KIF2A: variants seen among roughly 807,000 people sequenced by gnomAD.
KIF2A encodes kinesin-like protein KIF2A.
In KIF2A, 22 loss-of-function variants were observed where a neutral mutation model predicts 100.2. That is an observed-to-expected ratio of 0.22 (90% CI 0.16 to 0.31). KIF2A has a LOEUF of 0.31. KIF2A is among the 10% of genes least tolerant of loss of function. KIF2A has a pLI of 1.00. For missense variants in KIF2A, 495 were observed against 898.7 expected, an observed-to-expected ratio of 0.55 and a Z score of 5.74; for synonymous variants, 268 against 285.9, an observed-to-expected ratio of 0.94 and a Z score of 0.63.
At chr5:62,351,106 C>A (rs1747832008) in intron 4 of KIF2A, among the ~76,000 whole-genome samples, 1 of 151,804 alleles carries the variant, frequency 6.6e-6, no homozygotes, top group African/African-American at 2.4e-5. Context: ...GTGACACATA[C>A]CTGTAGTCTC....
chr5:62,354,936 T>C (rs1484934961), intron 6 of KIF2A, among the ~76,000 whole-genome samples: 2 of 152,160 alleles, frequency 1.3e-5, no homozygotes, highest in African/African-American at 4.8e-5. Flanking sequence ...ACAGAATGCA[T>C]ACCGACTAAG....
At chr5:62,381,029 A>T in intron 19 of KIF2A, 89 bp from the exon 20 acceptor site, 1 of 927,838 alleles carries the variant, frequency 1.1e-6, no homozygotes, top group Non-Finnish European at 1.7e-6. Flanking sequence ...ATACTATCTT[A>T]AGTATGTTTG....
intron 1 of KIF2A, among the ~76,000 whole-genome samples, chr5:62,331,952 A>T (rs145935869): frequency 2.5e-4 from 38 of 152,302 alleles, no homozygotes; most frequent in Non-Finnish European, 3.7e-4. Flanking sequence ...ACTTTTAAAT[A>T]CTTGTAATGA....
intron 1 of KIF2A, among the ~76,000 whole-genome samples, chr5:62,336,043 T>C (rs540762816): frequency 9.8e-5 from 15 of 152,304 alleles, no homozygotes; most frequent in Non-Finnish European, 1.9e-4. Context: ...CAAAATAGTA[T>C]AATAAAGTTC....
rs201419327 is a variant in KIF2A at position 62,365,368 on chromosome 5, ATTTTTTGTTTG to A, written c.1578+20_1578+30del. 7.5e-4 allele frequency: 997 copies of A among 1,333,200 alleles called. 11 individuals carry two copies. The East Asian group carries it at 0.02, about 27-fold the overall frequency. 82.6% of individuals were successfully genotyped at this position (1,333,200 alleles called of 1,614,324 possible). A position where few individuals can be genotyped will look rare whatever the true frequency, so the allele number is the denominator to read the frequency against. On this transcript the variant is annotated intron_variant, in intron 15 of 20. Coordinates refer to ENST00000407818, the MANE Select transcript of KIF2A (RefSeq NM_001098511.3). Reference sequence around the variant, plus strand: ...GTACCTGCATGGTAAGTTTATGTTTATTTTTTGTTTGTTTTATTTTAATCCTAAAGGAATAA... The same window carrying A: ...GTACCTGCATGGTAAGTTTATGTTTATTTTATTTTAATCCTAAAGGAATAA...
At chr5:62,351,225 T>C (rs112107740) in intron 4 of KIF2A, among the ~76,000 whole-genome samples, 6,602 of 151,976 alleles carry the variant, frequency 0.043, 450 homozygotes, top group African/African-American at 0.15. Flanking sequence ...AGTGAGACCC[T>C]GTCTCAATAA....
rs997008295 is a variant in KIF2A at position 62,306,333 on chromosome 5, C to T, written c.-140C>T. The stretch of plus-strand genomic sequence containing the variant: ...TCCCCACAGCTGCTCCTTGCGGCCC[C>T]GCTTGCGTTCACGCTGTCGCCCGGG... On this transcript the variant is annotated 5_prime_UTR_variant, in exon 1 of 21. Coordinates refer to ENST00000407818, the MANE Select transcript of KIF2A (RefSeq NM_001098511.3). The T allele has an allele frequency of 1.7e-4, 117 of 683,432 alleles. No individual in the cohort carries two copies. The highest frequency in any genetic ancestry group is 2.7e-4 in the Non-Finnish European group (108 of 394,370). The allele number at this position is 683,432 out of a possible 1,614,324, so 42.3% of individuals were successfully genotyped here.
chr5:62,362,670 A>G (rs1227113808), intron 12 of KIF2A, 129 bp downstream of exon 12: 2 of 379,894 alleles, frequency 5.3e-6, no homozygotes, highest in Admixed American at 9.1e-5. Flanking sequence ...TACCACCATA[A>G]TTTATGTGTA....
At chr5:62,385,323 C>T (rs533201331) in intron 20 of KIF2A, among the ~76,000 whole-genome samples, 161 bp from the exon 21 acceptor site, 1 of 152,256 alleles carries the variant, frequency 6.6e-6, no homozygotes, top group East Asian at 1.9e-4. Flanking sequence ...AATAGTTGAG[C>T]ATTCTATTTA....
intron 20 of KIF2A, 54 bp downstream of exon 20, chr5:62,381,307 T>C (rs1250534170): frequency 8.3e-5 from 122 of 1,463,636 alleles, no homozygotes; most frequent in Non-Finnish European, 1.1e-4. Context: ...GGTATGTATA[T>C]TGGTGAGAGG....
intron 1 of KIF2A, among the ~76,000 whole-genome samples, chr5:62,325,174 G>C (rs1456303236): frequency 6.6e-6 from 1 of 151,796 alleles, no homozygotes; most frequent in Non-Finnish European, 1.5e-5. Context: ...ACCCAGGCTC[G>C]AGTGCAGTGG....
intron 6 of KIF2A, among the ~76,000 whole-genome samples, chr5:62,354,129 A>AT (rs1259572620): frequency 1.3e-5 from 2 of 152,178 alleles, no homozygotes; most frequent in East Asian, 3.8e-4. Flanking sequence ...TGGACCTAGT[A>AT]TTATATCCAA....
chr5:62,376,556 A>G (rs1741557721), intron 18 of KIF2A, among the ~76,000 whole-genome samples: 1 of 152,016 alleles, frequency 6.6e-6, no homozygotes, highest in Non-Finnish European at 1.5e-5. Flanking sequence ...AGTAGCTGGG[A>G]TTACAGGCGC....
intron 16 of KIF2A, 116 bp from the exon 17 acceptor site, chr5:62,372,322 C>T: frequency 3.0e-6 from 2 of 660,582 alleles, no homozygotes; most frequent in South Asian, 1.8e-5. Context: ...TACATTGTCA[C>T]AACAATATCA....
chr5:62,322,821 A>G (rs982735912), intron 1 of KIF2A, among the ~76,000 whole-genome samples: 5 of 150,562 alleles, frequency 3.3e-5, no homozygotes, highest in African/African-American at 9.7e-5. Flanking sequence ...GGGAAATAGC[A>G]TTTAAATGGT....
intron 4 of KIF2A, among the ~76,000 whole-genome samples, chr5:62,352,170 T>A (rs1490569983): frequency 1.5e-5 from 2 of 136,838 alleles, no homozygotes; most frequent in South Asian, 2.2e-4. Flanking sequence ...AAAAAAAAAA[T>A]TATATTTTAC....
intron 1 of KIF2A, chr5:62,308,224 C>T (rs985907042): frequency 3.3e-6 from 2 of 597,712 alleles, no homozygotes; most frequent in Non-Finnish European, 5.2e-6. Context: ...GAAAGAGATA[C>T]CTTCTTTACT....
intron 6 of KIF2A, 61 bp from the exon 7 acceptor site, chr5:62,355,095 AAAT>A (rs1561269690): frequency 1.3e-6 from 1 of 774,762 alleles, no homozygotes; most frequent in Non-Finnish European, 2.1e-6. Flanking sequence ...TTTTCAAACC[AAAT>A]ATAAATGTAA....
intron 1 of KIF2A, among the ~76,000 whole-genome samples, chr5:62,319,160 T>TAAC (rs35093486): frequency 0.72 from 107,690 of 149,732 alleles, 40,001 homozygotes; most frequent in Middle Eastern, 0.86. Context: ...GTAATTTGGT[T>TAAC]AACAACAACA....
Sources: gnomAD v4.1 joint callset for allele counts (sites outside exome capture counted in the v4.1 genomes callset) on GRCh38, gnomAD v4.1.1 for gene constraint, MANE v1.5 for transcripts, NCBI Gene and HGNC (gene_info 2026-07-23, HGNC 2026-07-21) for gene names.